The following PPP1R13L variants were observed in gnomAD, a reference collection of about 807,000 sequenced individuals.
The protein encoded by PPP1R13L is relA-associated inhibitor.
PPP1R13L carries 50 observed loss-of-function variants against 80.9 expected under a neutral mutation model. The ratio of observed to expected loss-of-function variants is 0.62; its 90% CI spans 0.49 to 0.78. The LOEUF (loss-of-function observed/expected upper bound fraction) is 0.78, where lower values mean the gene tolerates loss of function less well. Ranked by LOEUF, PPP1R13L falls within the 30% of genes least tolerant of loss-of-function variation. PPP1R13L has a pLI of 0.00. For synonymous variants in PPP1R13L, 602 were observed against 534.3 expected, an observed-to-expected ratio of 1.13 and a Z score of -1.75; for missense variants, 1,200 against 1,205.9, an observed-to-expected ratio of 1.00 and a Z score of 0.07.
In PPP1R13L at chr19:45,385,664, C is replaced by G; in HGVS notation, c.2146G>C (p.Gly716Arg). 2 of 1,612,990 alleles carry G rather than the reference C, an allele frequency of 1.2e-6. No individual in the cohort carries two copies. The highest frequency in any genetic ancestry group is 1.7e-6 in the Non-Finnish European group (2 of 1,179,728). The change falls in exon 11 of 13, where the codon GGC becomes CGC. Residue 716 changes from glycine (G) to arginine (R), a missense_variant. Around this residue, in one of 5 missense-constraint regions of PPP1R13L, gnomAD observed 165 missense variants for 177.1 expected, o/e 0.93. Coordinates refer to ENST00000360957, the MANE Select transcript of PPP1R13L (RefSeq NM_006663.4). The stretch of plus-strand genomic sequence containing the variant: ...AGCGTGGTGGCGAAGATTGCAGCGC[C>G]GTGCTGCACCAGCGCCATGCAGATG... ...TVICMALVQH[G>R]AAIFATTLSD...
At chr19:45,401,342 G>A (rs1189859697) in intron 1 of PPP1R13L, among the ~76,000 whole-genome samples, 11 of 135,296 alleles carry the variant, frequency 8.1e-5, no homozygotes, top group Non-Finnish European at 1.4e-4. Context: ...GAGACAGAGC[G>A]AGACTCCGTC....
In PPP1R13L at chr19:45,395,906, G is replaced by A. The variant is rs1202746180; in HGVS notation, c.904-20C>T. 1 of 1,554,810 alleles carries A rather than the reference G, an allele frequency of 6.4e-7. No homozygotes were observed. The highest frequency in any genetic ancestry group is 2.3e-5 in the East Asian group (1 of 43,210). ...GTTGTCCTGGGGAAGAGGGAAGGGA[G>A]AAGGGGATCGGGTGAGAGAGGGAAG... On this transcript the variant is annotated intron_variant, in intron 6 of 12. Transcript: ENST00000360957.
intron 11 of PPP1R13L, among the ~76,000 whole-genome samples, chr19:45,384,666 A>T (rs1381601030): frequency 6.6e-6 from 1 of 152,092 alleles, no homozygotes; most frequent in Non-Finnish European, 1.5e-5. Flanking sequence ...AGCCTGGGCA[A>T]CACTGCAAAA....
At chr19:45,392,728 G>A (rs897933765) in intron 7 of PPP1R13L, 9 of 305,648 alleles carry the variant, frequency 2.9e-5, no homozygotes, top group Admixed American at 4.8e-5. Flanking sequence ...TCTACCAACC[G>A]TGATAGATGT....
chr19:45,386,049 C>T lies in PPP1R13L; in HGVS notation c.1947G>A (p.Glu649=), dbSNP rs1599764337. The T allele has an allele frequency of 1.3e-6, 2 of 1,588,300 alleles. No individual in the cohort carries two copies. The highest frequency in any genetic ancestry group is 1.7e-4 in the Middle Eastern group (1 of 6,016). Residue 649 remains glutamate, a splice_region_variant and synonymous_variant, in exon 9 of 13, where the codon GAG becomes GAA. Transcript: ENST00000360957. ...CCACCTCCCGCTCAGCAGCGCTCAC[C>T]TCCTTCACCGCCTGCTGCACCACCT... The part of the protein sequence containing the change: ...ELEVVQQAVK[E]MNDPSQPNEE...
In PPP1R13L at chr19:45,385,546, C is replaced by T; in HGVS notation, c.2248+16G>A. The T allele has an allele frequency of 1.9e-6, 3 of 1,599,304 alleles. No homozygotes were observed. Among genetic ancestry groups the T allele is most frequent in the Non-Finnish European group, 2.6e-6 (3 of 1,171,298 alleles). ...CACCCGCCAGGTACCCAGGCGCCAG[C>T]AGCCCTGCCTCGCACCTGCCAGGTA... On this transcript the variant is annotated intron_variant, in intron 11 of 12. Transcript: ENST00000360957.
intron 8 of PPP1R13L, among the ~76,000 whole-genome samples, chr19:45,387,591 G>A (rs1020799793): frequency 7.2e-5 from 11 of 152,036 alleles, no homozygotes; most frequent in African/African-American, 2.7e-4. Flanking sequence ...GTCTCGCTCT[G>A]TCGCCCAGGC....
intron 1 of PPP1R13L, 43 bp from the exon 2 acceptor site, chr19:45,398,382 T>C: frequency 6.3e-7 from 1 of 1,581,998 alleles, no homozygotes; most frequent in Non-Finnish European, 8.6e-7. Context: ...ACCCCGCCCC[T>C]CTAGACCCCG....
intron 7 of PPP1R13L, among the ~76,000 whole-genome samples, chr19:45,393,916 C>T (rs1973029938): frequency 6.6e-6 from 1 of 151,650 alleles, no homozygotes; most frequent in Non-Finnish European, 1.5e-5. Flanking sequence ...ATAAATAAAC[C>T]CCAAAACACA....
At position 45,396,459 on chromosome 19, in the gene PPP1R13L, G is replaced by C; in HGVS notation, c.713-23C>G. On this transcript the variant is annotated intron_variant, in intron 4 of 12. Coordinates refer to ENST00000360957, the MANE Select transcript of PPP1R13L (RefSeq NM_006663.4). The surrounding 1 kb of genome is among the most constrained non-coding windows in gnomAD (Gnocchi z 5.3). ...CGTCTGGGGAGAAGTTTCCAGGGAG[G>C]ATGAGACGGGAGGGGTGGCGAGCCC... 6.2e-7 allele frequency: 1 copy of C among 1,613,542 alleles called. No individual in the cohort carries two copies. The highest frequency in any genetic ancestry group is 8.5e-7 in the Non-Finnish European group (1 of 1,179,904).
chr19:45,396,270 G>T lies in PPP1R13L; in HGVS notation c.812-11C>A. 1 of 1,612,764 alleles carries T rather than the reference G, an allele frequency of 6.2e-7. No homozygotes were observed. On this transcript the variant is annotated splice_polypyrimidine_tract_variant and intron_variant, in intron 5 of 12. Transcript: ENST00000360957. The surrounding 1 kb of genome is among the most constrained non-coding windows in gnomAD (Gnocchi z 5.3). ...CGAAGACGTCCAGGCCTGCGGGGCG[G>T]GAATCATTAGGGTCTGTGGGGCTGC...
chr19:45,385,438 G>A (rs557309575), intron 11 of PPP1R13L, 124 bp downstream of exon 11: 10 of 1,192,680 alleles, frequency 8.4e-6, no homozygotes, highest in Non-Finnish European at 1.0e-5. Flanking sequence ...CCTCCTCCTC[G>A]GCAATCCTGC....
chr19:45,402,981 C>G (rs538299140), intron 1 of PPP1R13L, among the ~76,000 whole-genome samples: 52 of 152,280 alleles, frequency 3.4e-4, no homozygotes, highest in Middle Eastern at 3.4e-3. Flanking sequence ...TGGAGAGGCT[C>G]CACTGTCTCT....
At chr19:45,391,349 G>C (rs1450420996) in intron 8 of PPP1R13L, among the ~76,000 whole-genome samples, 9 of 152,192 alleles carry the variant, frequency 5.9e-5, no homozygotes, top group Admixed American at 3.3e-4. Context: ...TCATGTCCAG[G>C]TGTATGACTC....
upstream of PPP1R13L, among the ~76,000 whole-genome samples, chr19:45,405,515 G>A (rs937939696): frequency 1.3e-5 from 2 of 152,204 alleles, no homozygotes; most frequent in Admixed American, 1.3e-4. Flanking sequence ...CTCCGCGACC[G>A]CCCTCGGGCG....
At chr19:45,385,090 G>A (rs186403171) in intron 11 of PPP1R13L, among the ~76,000 whole-genome samples, 380 of 152,110 alleles carry the variant, frequency 2.5e-3, no homozygotes, top group African/African-American at 8.6e-3. Flanking sequence ...GCCCGTCGGG[G>A]AACCAGGTGA....
At chr19:45,387,260 C>G (rs1972888797) in intron 8 of PPP1R13L, among the ~76,000 whole-genome samples, 1 of 151,752 alleles carries the variant, frequency 6.6e-6, no homozygotes, top group Non-Finnish European at 1.5e-5. Context: ...AGAGTGAGAC[C>G]CAGTCTCAAA....
Position 45,395,584 on chromosome 19 carries a change from G to T in PPP1R13L, c.1206C>A (p.Pro402=). The T allele has an allele frequency of 1.4e-6, 2 of 1,476,564 alleles. No individual in the cohort carries two copies. Among genetic ancestry groups the T allele is most frequent in the East Asian group, 4.9e-5 (2 of 40,824 alleles). 91.5% of individuals were successfully genotyped at this position (1,476,564 alleles called of 1,614,324 possible). The part of the protein sequence containing the change: ...LPGSPLFTRA[P]PPKLQPQPQP... ...GTGGTTGGGGCTGCAGCTTAGGCGG[G>T]GGTGCTCGGGTGAAGAGGGGGGACC... Residue 402 remains proline, a synonymous_variant, in exon 7 of 13, where the codon CCC becomes CCA. Coordinates refer to ENST00000360957, the MANE Select transcript of PPP1R13L (RefSeq NM_006663.4).
intron 7 of PPP1R13L, 61 bp from the exon 8 acceptor site, chr19:45,392,401 C>T (rs935005617): frequency 5.9e-6 from 9 of 1,515,374 alleles, no homozygotes; most frequent in East Asian, 2.3e-5. Flanking sequence ...CACTCCCTCT[C>T]CACAACTTCC....
Sources: allele counts gnomAD v4.1 joint callset (sites outside exome capture counted in the v4.1 genomes callset), GRCh38; gene constraint gnomAD v4.1.1; regional missense constraint gnomAD v4.1.1; non-coding constraint Gnocchi (gnomAD v3.1); transcripts MANE v1.5; gene names NCBI Gene and HGNC (gene_info 2026-07-23, HGNC 2026-07-21).